PSMG4: variants seen among roughly 807,000 people sequenced by gnomAD.
PSMG4 encodes proteasome assembly chaperone 4, also known as proteasome (prosome, macropain) assembly chaperone 4.
In PSMG4, 10 loss-of-function variants were observed where a neutral mutation model predicts 11.0. The observed-to-expected ratio is 0.91, with a 90% confidence interval of 0.56 to 1.54. PSMG4 has a LOEUF of 1.54. Ranked by LOEUF, PSMG4 falls within the 40% of genes most tolerant of loss-of-function variation. The pLI is 0.00. For synonymous variants in PSMG4, 95 were observed against 71.3 expected, an observed-to-expected ratio of 1.33 and a Z score of -1.68; for missense variants, 198 against 160.9, an observed-to-expected ratio of 1.23 and a Z score of -1.25.
chr6:3,263,674 T>A lies in PSMG4; in HGVS notation c.175-10T>A. 6.5e-7 allele frequency: 1 copy of A among 1,536,412 alleles called. No individual in the cohort carries two copies. Among genetic ancestry groups the A allele is most frequent in the Non-Finnish European group, 8.8e-7 (1 of 1,140,948 alleles). ...GAGAAGCTGCAGTGTGCCCTTTGCT[T>A]TTCTTTTAGGACTCCATCCCCGTGT... On this transcript the variant is annotated splice_polypyrimidine_tract_variant and intron_variant, in intron 1 of 2. Transcript: ENST00000438998.
chr6:3,255,131 T>G (rs944286883), upstream of PSMG4: 2 of 1,551,088 alleles, frequency 1.3e-6, no homozygotes, highest in Non-Finnish European at 1.7e-6. Context: ...TACCACGTAT[T>G]GGTCATTCTC....
chr6:3,257,009 C>CGA (rs1757789534), upstream of PSMG4, among the ~76,000 whole-genome samples: 1 of 152,088 alleles, frequency 6.6e-6, no homozygotes. Flanking sequence ...GATGGATTGA[C>CGA]CTTCTGTACA....
At chr6:3,264,542 C>A (rs4324814) in intron 2 of PSMG4, 87 of 862,484 alleles carry the variant, frequency 1.0e-4, no homozygotes, top group Non-Finnish European at 1.4e-4. Flanking sequence ...AGCATGGCAC[C>A]TGGCCCAGGG....
At chr6:3,267,328 G>T (rs1758230608) in intron 2 of PSMG4, 1 of 304,556 alleles carries the variant, frequency 3.3e-6, no homozygotes, top group African/African-American at 2.1e-5. Context: ...CCCAGCAGCT[G>T]CCTCTCGAAC....
At chr6:3,257,440 T>A (rs1420281622), upstream of PSMG4, among the ~76,000 whole-genome samples, 2 of 152,176 alleles carry the variant, frequency 1.3e-5, no homozygotes, top group African/African-American at 2.4e-5. Flanking sequence ...GGCCTTGAAC[T>A]CTCCACCGGT....
intron 2 of PSMG4, chr6:3,264,252 G>GC (rs1758102126): frequency 1.9e-5 from 29 of 1,551,478 alleles, no homozygotes; most frequent in Non-Finnish European, 2.5e-5. Context: ...GTGGCGTAGA[G>GC]TGGGGATTAA....
At chr6:3,254,839 A>G (rs915243868), upstream of PSMG4, among the ~76,000 whole-genome samples, 7 of 152,138 alleles carry the variant, frequency 4.6e-5, no homozygotes, top group Non-Finnish European at 7.4e-5. Context: ...GGGACCTTAG[A>G]AAACACTTTA....
At chr6:3,255,660 A>C (rs1757737819), upstream of PSMG4, among the ~76,000 whole-genome samples, 1 of 152,216 alleles carries the variant, frequency 6.6e-6, no homozygotes, top group Admixed American at 6.5e-5. Context: ...CGAGTCCGAG[A>C]GCCTTAAGTG....
chr6:3,260,275 T>TTATATATATATATATATATATA (rs1261021278), intron 1 of PSMG4, among the ~76,000 whole-genome samples: 8 of 69,098 alleles, frequency 1.2e-4, no homozygotes, highest in African/African-American at 4.3e-4. Flanking sequence ...TTGTCTTAAA[T>TTATATATATATATATATATATA]TGTATATATA....
chr6:3,255,211 A>G (rs1405952807), upstream of PSMG4: 6 of 1,550,086 alleles, frequency 3.9e-6, no homozygotes, highest in South Asian at 2.4e-5. Context: ...TGGTGGCAGC[A>G]GGAGCAAAAT....
At chr6:3,254,466 T>C (rs1374873251), upstream of PSMG4, among the ~76,000 whole-genome samples, 1 of 151,734 alleles carries the variant, frequency 6.6e-6, no homozygotes, top group Non-Finnish European at 1.5e-5. Context: ...TTTGTGTGTC[T>C]TTTTAGATAA....
upstream of PSMG4, among the ~76,000 whole-genome samples, chr6:3,255,792 C>G (rs1010162249): frequency 9.8e-5 from 15 of 152,352 alleles, no homozygotes; most frequent in African/African-American, 3.6e-4. Flanking sequence ...GAGTCCCAAT[C>G]TTTTCAGACA....
chr6:3,265,138 C>A (rs1163031346), intron 2 of PSMG4: 4 of 152,138 alleles, frequency 2.6e-5, no homozygotes, highest in African/African-American at 9.7e-5. Context: ...CTCAGTATCT[C>A]GACTGTCTCA....
At chr6:3,264,418 C>T in intron 2 of PSMG4, 3 of 1,484,138 alleles carry the variant, frequency 2.0e-6, no homozygotes, top group Non-Finnish European at 2.7e-6. Flanking sequence ...TGGCGTTCTC[C>T]AGTAGGCCCA....
chr6:3,255,513 C>T (rs1464373143), upstream of PSMG4, among the ~76,000 whole-genome samples: 2 of 152,200 alleles, frequency 1.3e-5, no homozygotes, highest in South Asian at 2.1e-4. Flanking sequence ...CCAGGTCATT[C>T]CCCACTGCCC....
At chr6:3,267,498 T>C (rs1758241148) in intron 2 of PSMG4, 93 bp from the exon 3 acceptor site, 2 of 1,437,842 alleles carry the variant, frequency 1.4e-6, no homozygotes, top group Non-Finnish European at 1.9e-6. Context: ...CCCCATCCTC[T>C]TTCTGAGCAT....
At chr6:3,260,237 T>TA (rs1757927485) in intron 1 of PSMG4, among the ~76,000 whole-genome samples, 1 of 150,198 alleles carries the variant, frequency 6.7e-6, no homozygotes, top group South Asian at 2.1e-4. Flanking sequence ...AATGTTGGAT[T>TA]AAGGGCCCAT....
intron 2 of PSMG4, chr6:3,267,112 C>T (rs1668109269): frequency 6.6e-6 from 1 of 152,546 alleles, no homozygotes; most frequent in South Asian, 2.1e-4. Context: ...GTCTCGGCCT[C>T]CCAAAGTGCT....
At chr6:3,255,333 G>C (rs964410960), upstream of PSMG4, 17 of 1,481,648 alleles carry the variant, frequency 1.1e-5, no homozygotes, top group East Asian at 2.5e-5. Context: ...GCAACTGGTG[G>C]AGTCATTCTA....
Sources: allele counts gnomAD v4.1 joint callset (sites outside exome capture counted in the v4.1 genomes callset), GRCh38; gene constraint gnomAD v4.1.1; transcripts MANE v1.5; gene names NCBI Gene and HGNC (gene_info 2026-07-23, HGNC 2026-07-21).